Variants in DCC observed in about 807,000 individuals in gnomAD.
DCC encodes DCC netrin 1 receptor, also known as netrin receptor DCC.
A neutral mutation model predicts 172.5 loss-of-function variants in DCC; 58 were observed. That is an observed-to-expected ratio of 0.34 (90% CI 0.27 to 0.42). The LOEUF (loss-of-function observed/expected upper bound fraction) is 0.42, where lower values mean the gene tolerates loss of function less well. Among genes scored for constraint, DCC ranks in the 10% least tolerant of loss-of-function variants. DCC has a pLI of 1.00. For synonymous variants in DCC, 709 were observed against 644.5 expected (o/e 1.10, Z -1.52); for missense variants, 1,740 against 1,791.0 (o/e 0.97, Z 0.51).
chr18:53,229,911 T>C (rs2056096673), intron 12 of DCC, among the ~76,000 whole-genome samples: 1 of 152,158 alleles, frequency 6.6e-6, no homozygotes, highest in African/African-American at 2.4e-5. Flanking sequence ...GTTATGAGAC[T>C]ATAAGCCTTT....
chr18:53,018,302 G>A (rs1028826391), intron 5 of DCC, among the ~76,000 whole-genome samples: 7 of 152,260 alleles, frequency 4.6e-5, no homozygotes, highest in African/African-American at 1.4e-4. Context: ...GTATGCTACA[G>A]CGTCAAGCTG....
rs1006179735 is a variant in DCC, at chr18:53,066,176, T to C, written c.1261+10T>C. ...ATTGTCCCTAAGCCTGGTAAGACAA[T>C]GGGAACCTTGCTTTGGTACCTGGAA... On this transcript the variant is annotated intron_variant, in intron 7 of 28. Coordinates refer to ENST00000442544, the MANE Select transcript of DCC (RefSeq NM_005215.4). 2.5e-6 allele frequency: 4 copies of C among 1,612,064 alleles called. No homozygotes were observed. In the African/African-American group the frequency reaches 4.0e-5, roughly 16 times the overall value.
chr18:53,514,104 GCAGACCACAGTGCAATC>G (rs1268346050), intron 27 of DCC, among the ~76,000 whole-genome samples: 1 of 150,046 alleles, frequency 6.7e-6, no homozygotes, highest in African/African-American at 2.4e-5. Context: ...TTATAACAGT[GCAGACCACAGTGCAATC>G]AAACTAGAAC....
chr18:52,621,608 A>G (rs2034481525), intron 1 of DCC, among the ~76,000 whole-genome samples: 1 of 152,196 alleles, frequency 6.6e-6, no homozygotes, highest in Admixed American at 6.5e-5. Flanking sequence ...GCAAAAAGGA[A>G]ATTATACTGC....
chr18:52,812,950 C>G (rs532215891), intron 2 of DCC, among the ~76,000 whole-genome samples: 13 of 152,352 alleles, frequency 8.5e-5, no homozygotes, highest in African/African-American at 2.9e-4. Flanking sequence ...AAACCCTAGT[C>G]TCCCAAAATT....
intron 13 of DCC, among the ~76,000 whole-genome samples, chr18:53,307,983 G>A (rs1251115110): frequency 2.1e-5 from 3 of 144,276 alleles, no homozygotes; most frequent in Non-Finnish European, 4.5e-5. Flanking sequence ...ATGTGTATGT[G>A]GATGTATGTC....
intron 1 of DCC, among the ~76,000 whole-genome samples, chr18:52,532,932 G>A (rs370371650): frequency 6.3e-4 from 96 of 152,084 alleles, no homozygotes; most frequent in African/African-American, 2.2e-3. Context: ...ATACCTATTA[G>A]TAGTCAGACT....
chr18:53,131,197 C>T (rs2043645864), intron 7 of DCC, among the ~76,000 whole-genome samples: 1 of 151,992 alleles, frequency 6.6e-6, no homozygotes, highest in Admixed American at 6.6e-5. Context: ...AAATGAACTG[C>T]AATATCAGCA....
intron 1 of DCC, among the ~76,000 whole-genome samples, chr18:52,599,285 C>A (rs565634968): frequency 6.6e-6 from 1 of 152,062 alleles, no homozygotes; most frequent in Non-Finnish European, 1.5e-5. Flanking sequence ...CAGTGCAGTT[C>A]CATCTAAAAA....
At chr18:53,435,977 T>C (rs1420542016) in intron 22 of DCC, among the ~76,000 whole-genome samples, 1 of 152,210 alleles carries the variant, frequency 6.6e-6, no homozygotes, top group African/African-American at 2.4e-5. Context: ...TTTGACTTAC[T>C]AAAAAGACCT....
At chr18:52,681,214 A>T (rs557664991) in intron 1 of DCC, among the ~76,000 whole-genome samples, 3 of 152,216 alleles carry the variant, frequency 2.0e-5, no homozygotes, top group African/African-American at 7.2e-5. Context: ...AGTGGGCGGC[A>T]GAACTGGATG....
intron 1 of DCC, among the ~76,000 whole-genome samples, chr18:52,624,852 A>C (rs1017101449): frequency 6.6e-6 from 1 of 152,164 alleles, no homozygotes; most frequent in Non-Finnish European, 1.5e-5. Context: ...AAAGAGATTC[A>C]CGTGCAGTTG....
At position 53,435,144 on chromosome 18, in the gene DCC, G is replaced by C. The variant is rs1312707521; in HGVS notation, c.3164G>C (p.Gly1055Ala). 1.2e-6 allele frequency: 2 copies of C among 1,608,866 alleles called. No homozygotes were observed. The highest frequency in any genetic ancestry group is 1.3e-5 in the African/African-American group (1 of 74,878). The change falls in exon 22 of 29, where the codon GGT (glycine) becomes GCT (alanine). Residue 1055 changes from glycine to alanine, a missense_variant and splice_region_variant. Gly to Ala is a moderately conservative substitution (Grantham distance 60). This residue lies in a region of DCC where 1,732 missense variants were observed against 1,767.4 expected (regional missense o/e 0.98). Coordinates refer to ENST00000442544, the MANE Select transcript of DCC (RefSeq NM_005215.4). Reference protein sequence around the residue: ...EHPDKMANDQGRHGDGGYWPV... With the variant: ...EHPDKMANDQARHGDGGYWPV... ...TGTGACATGCTCTCCCAATGAACAG[G>C]TCGTCATGGAGATGGAGGTTATTGG... is the stretch of plus-strand genomic sequence containing the variant.
At chr18:52,765,787 G>T (rs1485119933) in intron 2 of DCC, among the ~76,000 whole-genome samples, 1 of 152,184 alleles carries the variant, frequency 6.6e-6, no homozygotes, top group Non-Finnish European at 1.5e-5. Context: ...AGGCTTCAGA[G>T]CTAGTCAGCC....
chr18:53,431,074 G>A (rs1911578795), intron 21 of DCC, among the ~76,000 whole-genome samples: 1 of 151,968 alleles, frequency 6.6e-6, no homozygotes, highest in Admixed American at 6.6e-5. Flanking sequence ...ACCTGCCTAA[G>A]CATTACCTAA....
At chr18:53,292,351 T>C (rs1568035223) in intron 12 of DCC, among the ~76,000 whole-genome samples, 5 of 152,148 alleles carry the variant, frequency 3.3e-5, no homozygotes, top group Admixed American at 2.0e-4. Context: ...GTGATGTTTC[T>C]ATGGGTCATT....
At chr18:52,650,807 A>AG (rs1451723000) in intron 1 of DCC, among the ~76,000 whole-genome samples, 1 of 152,240 alleles carries the variant, frequency 6.6e-6, no homozygotes, top group Non-Finnish European at 1.5e-5. Flanking sequence ...TGACAGTGCC[A>AG]GGGAGAAAGT....
chr18:53,125,752 C>A (rs371146593), intron 7 of DCC, among the ~76,000 whole-genome samples: 2 of 152,096 alleles, frequency 1.3e-5, no homozygotes, highest in African/African-American at 2.4e-5. Flanking sequence ...CACGCAGCTC[C>A]GAAGTGTACA....
At chr18:53,144,319 A>G (rs2043873447) in intron 7 of DCC, among the ~76,000 whole-genome samples, 1 of 152,064 alleles carries the variant, frequency 6.6e-6, no homozygotes, top group Admixed American at 6.5e-5. Flanking sequence ...TCAATGGTGT[A>G]TTAGTCTGTT....
Sources: gnomAD v4.1 joint callset for allele counts (sites outside exome capture counted in the v4.1 genomes callset) on GRCh38, gnomAD v4.1.1 for gene constraint, gnomAD v4.1.1 regional missense constraint, MANE v1.5 for transcripts, NCBI Gene and HGNC (gene_info 2026-07-23, HGNC 2026-07-21) for gene names.